Variants in SLC9B1 observed in about 807,000 individuals in gnomAD.
SLC9B1 encodes the protein sodium/hydrogen exchanger 9B1.
SLC9B1 carries 32 observed loss-of-function variants against 51.7 expected under a neutral mutation model. That is an observed-to-expected ratio of 0.62 (90% CI 0.47 to 0.83). The LOEUF (loss-of-function observed/expected upper bound fraction) is 0.83, where lower values mean the gene tolerates loss of function less well. Among genes scored for constraint, SLC9B1 ranks in the 40% least tolerant of loss-of-function variants. The probability of loss-of-function intolerance (pLI) is 0.00; values close to 1 mark genes in which losing one functional copy is unlikely to be tolerated. For synonymous variants in SLC9B1, 145 were observed against 212.7 expected, an observed-to-expected ratio of 0.68 and a Z score of 2.77; for missense variants, 406 against 613.2, an observed-to-expected ratio of 0.66 and a Z score of 3.57.
intron 6 of SLC9B1, among the ~76,000 whole-genome samples, chr4:102,933,786 A>G (rs1158171763): frequency 6.6e-6 from 1 of 152,198 alleles, no homozygotes; most frequent in African/African-American, 2.4e-5. Context: ...AATATCTAAG[A>G]AAAAAACTGT....
chr4:102,936,132 G>A (rs1736712676), intron 6 of SLC9B1, among the ~76,000 whole-genome samples: 1 of 152,208 alleles, frequency 6.6e-6, no homozygotes, highest in Admixed American at 6.5e-5. Flanking sequence ...AGAGCATGCA[G>A]CTCAGGAGTG....
chr4:102,904,680 C>CA (rs1372619851), intron 11 of SLC9B1, among the ~76,000 whole-genome samples: 2 of 150,616 alleles, frequency 1.3e-5, no homozygotes, highest in Non-Finnish European at 3.0e-5. Flanking sequence ...CTCTTCTCTA[C>CA]AAAAAAATCA....
intron 3 of SLC9B1, among the ~76,000 whole-genome samples, chr4:102,955,897 GAAA>G (rs1560950238): frequency 9.7e-6 from 1 of 102,754 alleles, no homozygotes. Flanking sequence ...AAGAAAGAAA[GAAA>G]GAGAGAGAAA....
At chr4:102,947,326 A>C (rs1560945123) in intron 4 of SLC9B1, among the ~76,000 whole-genome samples, 3 of 152,212 alleles carry the variant, frequency 2.0e-5, no homozygotes, top group African/African-American at 7.2e-5. Flanking sequence ...TGGATACAGA[A>C]GGGACAGCAG....
chr4:102,943,444 A>G (rs754324326), intron 6 of SLC9B1, among the ~76,000 whole-genome samples: 7 of 151,890 alleles, frequency 4.6e-5, no homozygotes, highest in Non-Finnish European at 8.8e-5. Context: ...CCCATCAATC[A>G]ATGAATGCAT....
At chr4:102,999,353 G>A (rs556836024) in intron 1 of SLC9B1, among the ~76,000 whole-genome samples, 1 of 152,208 alleles carries the variant, frequency 6.6e-6, no homozygotes, top group South Asian at 2.1e-4. Flanking sequence ...TGGCATCATA[G>A]CCGAGAAGTA....
chr4:102,989,880 T>C lies in SLC9B1; in HGVS notation c.131A>G (p.Glu44Gly). 6.2e-7 allele frequency: 1 copy of C among 1,601,108 alleles called. No individual in the cohort carries two copies. The highest frequency in any genetic ancestry group is 8.5e-7 in the Non-Finnish European group (1 of 1,170,460). The change falls in exon 3 of 12, where the codon GAA (glutamate) becomes GGA (glycine). Residue 44 changes from glutamate to glycine, a missense_variant. This residue lies in a region of SLC9B1 where 108 missense variants were observed against 94.5 expected (regional missense o/e 1.14). Coordinates refer to ENST00000296422, the MANE Select transcript of SLC9B1 (RefSeq NM_139173.4). ...CTTTTTTGTCTGTGGTTTTATTTCT[T>C]CTGTATCTGATAAGACAGTTTTAGT... Reference protein sequence around the residue: ...EETKTVLSDTEEIKPQTKKET... With the variant: ...EETKTVLSDTGEIKPQTKKET...
At chr4:102,935,258 T>C (rs1223089400) in intron 6 of SLC9B1, among the ~76,000 whole-genome samples, 1 of 152,160 alleles carries the variant, frequency 6.6e-6, no homozygotes, top group African/African-American at 2.4e-5. Context: ...TTGTGAATAA[T>C]CACAGAAATG....
At position 102,932,190 on chromosome 4, in the gene SLC9B1, T is replaced by A; in HGVS notation, c.763A>T (p.Ser255Cys). The change falls in exon 7 of 12, where the codon AGC becomes TGC. Residue 255 changes from serine (S) to cysteine (C), a missense_variant. Around this residue, in one of 6 missense-constraint regions of SLC9B1, gnomAD observed 250 missense variants for 394.1 expected, o/e 0.63. Transcript: ENST00000296422. Reference protein sequence around the residue: ...EGIPTLLMAASSMDDILAITG... With the variant: ...EGIPTLLMAACSMDDILAITG... ...ATAGCCAGAATGTCATCCATACTGCTAGCAGCCATTAATAAGGTTGGAATG... is the reference window on the plus strand; with the variant it reads ...ATAGCCAGAATGTCATCCATACTGCAAGCAGCCATTAATAAGGTTGGAATG... The A allele has an allele frequency of 6.2e-7, 1 of 1,611,966 alleles. No individual in the cohort carries two copies. Among genetic ancestry groups the A allele is most frequent in the South Asian group, 1.1e-5 (1 of 90,990 alleles).
intron 6 of SLC9B1, among the ~76,000 whole-genome samples, chr4:102,940,922 T>C (rs999414367): frequency 2.0e-5 from 3 of 152,184 alleles, no homozygotes; most frequent in African/African-American, 7.2e-5. Context: ...GCTAGCCATA[T>C]GCAGAAAACT....
At chr4:103,010,717 G>T (rs1741046347) in intron 1 of SLC9B1, among the ~76,000 whole-genome samples, 1 of 152,192 alleles carries the variant, frequency 6.6e-6, no homozygotes, top group African/African-American at 2.4e-5. Context: ...GGAAGAGACA[G>T]AAGGGCGAAA....
chr4:102,914,385 A>C (rs1262547745), intron 7 of SLC9B1, among the ~76,000 whole-genome samples: 1 of 151,984 alleles, frequency 6.6e-6, no homozygotes, highest in Admixed American at 6.6e-5. Context: ...TGCTATAGCT[A>C]ATTTGTTTAT....
chr4:102,964,070 G>A (rs1259041199), intron 3 of SLC9B1, among the ~76,000 whole-genome samples: 1 of 151,700 alleles, frequency 6.6e-6, no homozygotes, highest in East Asian at 1.9e-4. Context: ...CATTGACCAA[G>A]AAAAAAGAAA....
intron 7 of SLC9B1, among the ~76,000 whole-genome samples, chr4:102,931,400 C>A (rs1736451553): frequency 6.6e-6 from 1 of 151,840 alleles, no homozygotes; most frequent in Non-Finnish European, 1.5e-5. Flanking sequence ...GGAAATGATT[C>A]TTTTCTTCTG....
chr4:102,946,048 A>G (rs1737249550), intron 5 of SLC9B1, among the ~76,000 whole-genome samples: 10 of 152,120 alleles, frequency 6.6e-5, no homozygotes, highest in Admixed American at 6.6e-4. Context: ...TAATCTCCCT[A>G]AAAAAAGAAA....
intron 11 of SLC9B1, among the ~76,000 whole-genome samples, chr4:102,903,052 TA>T (rs1734859475): frequency 6.6e-6 from 1 of 151,388 alleles, no homozygotes; most frequent in African/African-American, 2.5e-5. Context: ...ATTAATTTTT[TA>T]TGTCTTGCCA....
intron 6 of SLC9B1, among the ~76,000 whole-genome samples, chr4:102,939,227 C>T (rs550133301): frequency 7.3e-5 from 11 of 150,438 alleles, no homozygotes; most frequent in Admixed American, 7.3e-4. Context: ...CACAGAAATA[C>T]AAAAAACTCT....
chr4:103,003,535 C>T (rs1291813022), intron 1 of SLC9B1, among the ~76,000 whole-genome samples: 2 of 152,210 alleles, frequency 1.3e-5, no homozygotes, highest in Non-Finnish European at 2.9e-5. Context: ...TGTAGAAACA[C>T]CTCAATCTAG....
chr4:102,979,450 C>A (rs529638017), intron 3 of SLC9B1, among the ~76,000 whole-genome samples: 15 of 152,292 alleles, frequency 9.8e-5, no homozygotes, highest in African/African-American at 3.6e-4. Flanking sequence ...CTAGTGAACT[C>A]CAGTCTGCTC....
Sources: gnomAD v4.1 joint callset for allele counts (sites outside exome capture counted in the v4.1 genomes callset) on GRCh38, gnomAD v4.1.1 for gene constraint, gnomAD v4.1.1 regional missense constraint, MANE v1.5 for transcripts, NCBI Gene and HGNC (gene_info 2026-07-23, HGNC 2026-07-21) for gene names.